CCSER2: variants seen among roughly 807,000 people sequenced by gnomAD.
CCSER2 encodes the protein coiled-coil serine rich protein 2, also known as serine-rich coiled-coil domain-containing protein 2.
A neutral mutation model predicts 92.3 loss-of-function variants in CCSER2; 46 were observed. The observed-to-expected ratio is 0.50, with a 90% CI of 0.39 to 0.64. CCSER2 has a LOEUF of 0.64. Ranked by LOEUF, CCSER2 falls within the 30% of genes least tolerant of loss-of-function variation. The probability of loss-of-function intolerance (pLI) is 0.00; values close to 1 mark genes in which losing one functional copy is unlikely to be tolerated. For synonymous variants in CCSER2, 433 were observed against 431.4 expected (o/e 1.00, Z -0.04); for missense variants, 1,244 against 1,238.9 (o/e 1.00, Z -0.06).
intron 3 of CCSER2, chr10:84,393,738 C>G (rs1841662978): frequency 6.6e-6 from 1 of 152,502 alleles, no homozygotes; most frequent in East Asian, 1.9e-4. Flanking sequence ...CTGTTTAATA[C>G]TTTTCACTTA....
intron 6 of CCSER2, among the ~76,000 whole-genome samples, chr10:84,446,194 T>A (rs1844904642): frequency 6.6e-6 from 1 of 152,222 alleles, no homozygotes. Context: ...TACCTCTTCC[T>A]AACATTTTAT....
intron 3 of CCSER2, chr10:84,391,593 A>G (rs1841521578): frequency 6.6e-7 from 1 of 1,516,182 alleles, no homozygotes; most frequent in Non-Finnish European, 9.1e-7. Context: ...ATTCAAATGG[A>G]TATAGAGATG....
At chr10:84,485,410 T>TA (rs1847746334) in intron 9 of CCSER2, among the ~76,000 whole-genome samples, 1 of 152,232 alleles carries the variant, frequency 6.6e-6, no homozygotes, top group African/African-American at 2.4e-5. Context: ...TGGTAACCAC[T>TA]AAAACTGTTT....
chr10:84,368,383 TG>T (rs905336956), intron 1 of CCSER2, among the ~76,000 whole-genome samples: 1 of 152,100 alleles, frequency 6.6e-6, no homozygotes, highest in African/African-American at 2.4e-5. Flanking sequence ...GGTTTTCTGC[TG>T]AAAAAAACCA....
intron 9 of CCSER2, 83 bp downstream of exon 9, chr10:84,477,747 A>C: frequency 1.3e-6 from 1 of 745,098 alleles, no homozygotes; most frequent in Non-Finnish European, 2.2e-6. Context: ...GCAATCTCTA[A>C]TGATTTTGAA....
intron 9 of CCSER2, among the ~76,000 whole-genome samples, chr10:84,495,118 A>G (rs1848378069): frequency 7.1e-6 from 1 of 141,294 alleles, no homozygotes; most frequent in Non-Finnish European, 1.5e-5. Flanking sequence ...CATATTATAT[A>G]TTTTTTCAGC....
intron 3 of CCSER2, among the ~76,000 whole-genome samples, chr10:84,392,226 T>C (rs1841561391): frequency 6.7e-6 from 1 of 149,710 alleles, no homozygotes; most frequent in African/African-American, 2.5e-5. Flanking sequence ...GTCACTGTAT[T>C]AGGTTGATGT....
intron 1 of CCSER2, among the ~76,000 whole-genome samples, chr10:84,362,682 A>G (rs1409777715): frequency 6.6e-6 from 1 of 152,188 alleles, no homozygotes; most frequent in African/African-American, 2.4e-5. Context: ...GAAAGGTCAT[A>G]TTGATACAAT....
intron 3 of CCSER2, among the ~76,000 whole-genome samples, chr10:84,411,492 TG>T (rs1589588263): frequency 6.6e-6 from 1 of 152,160 alleles, no homozygotes; most frequent in Non-Finnish European, 1.5e-5. Context: ...AGCAGTGGTT[TG>T]TAGTTATCCT....
At chr10:84,455,541 G>A in intron 6 of CCSER2, 1 of 374,518 alleles carries the variant, frequency 2.7e-6, no homozygotes, top group South Asian at 2.2e-5. Context: ...CTCCCAAAGT[G>A]CTGGGATTAC....
intron 1 of CCSER2, among the ~76,000 whole-genome samples, chr10:84,346,212 G>A (rs1247381565): frequency 4.6e-5 from 7 of 152,090 alleles, no homozygotes; most frequent in African/African-American, 1.7e-4. Flanking sequence ...TTACAGGCAT[G>A]CACCACCTCG....
chr10:84,494,339 T>G (rs1848331379), intron 9 of CCSER2, among the ~76,000 whole-genome samples: 1 of 152,218 alleles, frequency 6.6e-6, no homozygotes, highest in South Asian at 2.1e-4. Context: ...CAGAGGTCAC[T>G]TTCATTGCCA....
intron 3 of CCSER2, among the ~76,000 whole-genome samples, chr10:84,387,952 C>T (rs1339294642): frequency 2.0e-5 from 3 of 152,268 alleles, no homozygotes; most frequent in Middle Eastern, 3.4e-3. Context: ...CAACCTCCAC[C>T]TCCTGGGTTC....
chr10:84,487,378 G>A (rs535868141), intron 9 of CCSER2, among the ~76,000 whole-genome samples: 105 of 152,250 alleles, frequency 6.9e-4, no homozygotes, highest in South Asian at 3.3e-3. Flanking sequence ...ACCCATGAGC[G>A]TGGAACGTTC....
chr10:84,427,239 A>G (rs536867220), intron 5 of CCSER2, among the ~76,000 whole-genome samples: 1 of 152,112 alleles, frequency 6.6e-6, no homozygotes, highest in Non-Finnish European at 1.5e-5. Context: ...GCTGAGGTAC[A>G]CTGGTTTGTT....
At chr10:84,390,162 T>TA (rs909896755) in intron 3 of CCSER2, among the ~76,000 whole-genome samples, 1 of 152,210 alleles carries the variant, frequency 6.6e-6, no homozygotes, top group African/African-American at 2.4e-5. Flanking sequence ...TTCAAACTAA[T>TA]ACCACCAATT....
At chr10:84,338,840 G>C (rs544860103) in intron 1 of CCSER2, among the ~76,000 whole-genome samples, 2 of 152,128 alleles carry the variant, frequency 1.3e-5, no homozygotes. Context: ...TGTGTTGAAA[G>C]CACATATTAC....
intron 1 of CCSER2, among the ~76,000 whole-genome samples, chr10:84,353,366 T>G (rs1039377197): frequency 4.6e-5 from 7 of 152,198 alleles, no homozygotes; most frequent in Non-Finnish European, 7.3e-5. Flanking sequence ...TACTAACATC[T>G]GTTATATGCC....
chr10:84,514,774 G>T lies in CCSER2; in HGVS notation c.*507G>T, dbSNP rs1038080442. 1 of 153,480 alleles carries T rather than the reference G, an allele frequency of 6.5e-6. No homozygotes were observed. The highest frequency in any genetic ancestry group is 1.5e-5 in the Non-Finnish European group (1 of 68,720). The allele number at this position is 153,480 out of a possible 1,614,324, so 9.5% of individuals were successfully genotyped here. ...GTATATTTAAAAGGTCTATGCAAAA[G>T]CTTTGTGATGAATAAAGGAGATTAG... On this transcript the variant is annotated 3_prime_UTR_variant, in exon 10 of 10. Transcript: ENST00000372088.
Sources: gnomAD v4.1 joint callset for allele counts (sites outside exome capture counted in the v4.1 genomes callset) on GRCh38, gnomAD v4.1.1 for gene constraint, MANE v1.5 for transcripts, NCBI Gene and HGNC (gene_info 2026-07-23, HGNC 2026-07-21) for gene names.